ECHDC1: variants seen among roughly 807,000 people sequenced by gnomAD.
ECHDC1 encodes the protein ethylmalonyl-CoA decarboxylase.
Under a neutral mutation model 29.7 loss-of-function variants are expected in ECHDC1, and 29 were observed. The ratio of observed to expected loss-of-function variants is 0.98; its 90% CI spans 0.73 to 1.33. The LOEUF is 1.33. ECHDC1 is among the 40% of genes most tolerant of loss of function. The probability of loss-of-function intolerance (pLI) is 0.00; values close to 1 mark genes in which losing one functional copy is unlikely to be tolerated. For synonymous variants in ECHDC1, 126 were observed against 123.1 expected, an observed-to-expected ratio of 1.02 and a Z score of -0.15; for missense variants, 328 against 350.0, an observed-to-expected ratio of 0.94 and a Z score of 0.50.
intron 3 of ECHDC1, among the ~76,000 whole-genome samples, chr6:127,318,476 G>T (rs1250775679): frequency 5.3e-5 from 8 of 152,118 alleles, no homozygotes; most frequent in Admixed American, 5.2e-4. Flanking sequence ...ACAAGATGGG[G>T]ACTAGAGAAC....
Position 127,289,964 on chromosome 6 carries a change from C to T in ECHDC1, c.811G>A (p.Glu271Lys). ...VCSGRELYLE[E>K]ALQNERDLLG... ...AGATCTCTTTCGTTCTGTAATGCTT[C>T]CTCCAAATATAGCTCTCTGCCTGAA... is the stretch of plus-strand genomic sequence containing the variant. The change falls in exon 6 of 6, where the codon GAA (glutamate) becomes AAA (lysine). Residue 271 changes from glutamate to lysine, a missense_variant. By Grantham distance (56) the Glu-to-Lys change is moderately conservative. Coordinates refer to ENST00000454859, the MANE Select transcript of ECHDC1 (RefSeq NM_001002030.2). 6.8e-6 allele frequency: 11 copies of T among 1,613,632 alleles called. No individual in the cohort carries two copies. The highest frequency in any genetic ancestry group is 4.5e-5 in the East Asian group (2 of 44,848).
chr6:127,293,041 T>G (rs1000451228), intron 5 of ECHDC1, among the ~76,000 whole-genome samples: 1 of 152,260 alleles, frequency 6.6e-6, no homozygotes, highest in South Asian at 2.1e-4. Flanking sequence ...TTGTTACTAC[T>G]GTCTGGATGA....
At chr6:127,332,148 T>C (rs1006606946) in intron 1 of ECHDC1, among the ~76,000 whole-genome samples, 1 of 152,170 alleles carries the variant, frequency 6.6e-6, no homozygotes, top group Non-Finnish European at 1.5e-5. Flanking sequence ...CAAGATCCTC[T>C]GTGTCACCTT....
intron 5 of ECHDC1, among the ~76,000 whole-genome samples, chr6:127,304,670 A>G (rs1023080718): frequency 5.0e-4 from 76 of 152,314 alleles, no homozygotes; most frequent in African/African-American, 1.8e-3. Flanking sequence ...GGAGGAATTC[A>G]GAATCCTATC....
chr6:127,318,926 A>C (rs1782615330), intron 3 of ECHDC1, among the ~76,000 whole-genome samples: 1 of 152,262 alleles, frequency 6.6e-6, no homozygotes, highest in Non-Finnish European at 1.5e-5. Flanking sequence ...CGAGGAGCTA[A>C]AAAGCTTTCA....
chr6:127,289,846 A>G lies in ECHDC1; in HGVS notation c.*23T>C. ...TATTAGTCACTGGAGCTTTACTTGGAGTACATCCACACGAAAAACCAATTA... is the reference window on the plus strand; with the variant it reads ...TATTAGTCACTGGAGCTTTACTTGGGGTACATCCACACGAAAAACCAATTA... On this transcript the variant is annotated 3_prime_UTR_variant, in exon 6 of 6. Transcript: ENST00000454859. The G allele has an allele frequency of 6.3e-7, 1 of 1,588,600 alleles. No homozygotes were observed.
At chr6:127,313,062 A>G (rs1782073062) in intron 5 of ECHDC1, 1 of 152,286 alleles carries the variant, frequency 6.6e-6, no homozygotes, top group African/African-American at 2.4e-5. Flanking sequence ...ATGAAAACAT[A>G]TAGATAGGGG....
At chr6:127,310,114 A>G (rs1781780372) in intron 5 of ECHDC1, among the ~76,000 whole-genome samples, 1 of 152,112 alleles carries the variant, frequency 6.6e-6, no homozygotes. Flanking sequence ...TGGCAGGGGG[A>G]TGGGGATAGT....
chr6:127,340,451 G>A (rs1784829629), intron 1 of ECHDC1, among the ~76,000 whole-genome samples: 1 of 152,140 alleles, frequency 6.6e-6, no homozygotes, highest in Non-Finnish European at 1.5e-5. Flanking sequence ...TTCTAAGAAG[G>A]CCAAATAGCC....
chr6:127,316,332 T>C, intron 4 of ECHDC1, 118 bp downstream of exon 4: 9 of 805,982 alleles, frequency 1.1e-5, no homozygotes. Context: ...TAGTACATCA[T>C]TAGAATAGAT....
chr6:127,289,974 T>C lies in ECHDC1; in HGVS notation c.801A>G (p.Leu267=). 2 of 1,613,680 alleles carry C rather than the reference T, an allele frequency of 1.2e-6. No individual in the cohort carries two copies. Among genetic ancestry groups the C allele is most frequent in the Non-Finnish European group, 1.7e-6 (2 of 1,179,736 alleles). The change falls in exon 6 of 6, where the codon CTA becomes CTG. Residue 267 remains leucine, a synonymous_variant. Transcript: ENST00000454859. ...LKKSVCSGRE[L]YLEEALQNER... ...CGTTCTGTAATGCTTCCTCCAAATA[T>C]AGCTCTCTGCCTGAACAAACAGATT...
intron 3 of ECHDC1, among the ~76,000 whole-genome samples, chr6:127,325,435 C>T (rs1263973596): frequency 6.6e-6 from 1 of 152,032 alleles, no homozygotes; most frequent in Non-Finnish European, 1.5e-5. Flanking sequence ...CTTTTTAACA[C>T]TTTGTTGAAT....
At chr6:127,330,757 A>G (rs1465887600) in intron 2 of ECHDC1, 52 bp downstream of exon 2, 5 of 1,492,578 alleles carry the variant, frequency 3.3e-6, no homozygotes, top group East Asian at 2.3e-5. Flanking sequence ...AAAACTTGTG[A>G]TAACAGTTTA....
chr6:127,331,148 TTTC>T, intron 1 of ECHDC1, 118 bp from the exon 2 acceptor site: 1 of 678,856 alleles, frequency 1.5e-6, no homozygotes, highest in Non-Finnish European at 2.3e-6. Context: ...TACTTCCCCA[TTTC>T]TTTTTTTTTT....
At chr6:127,300,316 G>A (rs898686343) in intron 5 of ECHDC1, among the ~76,000 whole-genome samples, 4 of 152,184 alleles carry the variant, frequency 2.6e-5, no homozygotes, top group Non-Finnish European at 5.9e-5. Flanking sequence ...CCCATACGTG[G>A]TAGGTAGATT....
intron 3 of ECHDC1, among the ~76,000 whole-genome samples, chr6:127,320,839 C>T (rs1001501164): frequency 6.6e-5 from 10 of 151,818 alleles, no homozygotes; most frequent in African/African-American, 2.2e-4. Flanking sequence ...TCTTTTCCTG[C>T]ACAATAACCA....
intron 1 of ECHDC1, chr6:127,331,868 C>G (rs1783988076): frequency 1.0e-6 from 1 of 985,166 alleles, no homozygotes; most frequent in African/African-American, 1.7e-5. Flanking sequence ...GGAAAGGGTC[C>G]TAAGAAAAAT....
In ECHDC1 at chr6:127,289,917, C is replaced by G; in HGVS notation, c.858G>C (p.Gly286=). 3.1e-6 allele frequency: 5 copies of G among 1,612,866 alleles called. No individual in the cohort carries two copies. The highest frequency in any genetic ancestry group is 4.2e-6 in the Non-Finnish European group (5 of 1,179,388). ...ERDLLGTVWG[G]PANLEAIAKK... is the part of the protein sequence containing the mutation. ...TAGCAATAGCCTCTAAATTTGCAGG[C>G]CCACCCCAAACTGTTCCTAAAAGAT... Residue 286 remains glycine, a synonymous_variant, in exon 6 of 6, where the codon GGG becomes GGC. Coordinates refer to ENST00000454859, the MANE Select transcript of ECHDC1 (RefSeq NM_001002030.2).
intron 5 of ECHDC1, among the ~76,000 whole-genome samples, chr6:127,301,184 G>A (rs548754549): frequency 1.4e-4 from 22 of 152,306 alleles, no homozygotes; most frequent in Non-Finnish European, 2.8e-4. Context: ...ACTCAAGTGA[G>A]GGTCTATCTA....
Sources: gnomAD v4.1 joint callset for allele counts (sites outside exome capture counted in the v4.1 genomes callset) on GRCh38, gnomAD v4.1.1 for gene constraint, MANE v1.5 for transcripts, NCBI Gene and HGNC (gene_info 2026-07-23, HGNC 2026-07-21) for gene names.